Variants in FHAD1 observed in about 807,000 individuals in gnomAD.
FHAD1 encodes the protein forkhead associated phosphopeptide binding domain 1.
A neutral mutation model predicts 191.3 loss-of-function variants in FHAD1; 146 were observed. That is an observed-to-expected ratio of 0.76 (90% CI 0.67 to 0.88). The LOEUF is 0.88. Among genes scored for constraint, FHAD1 ranks in the 40% least tolerant of loss-of-function variants. The pLI, the probability that FHAD1 is intolerant of heterozygous loss-of-function variation, is 0.00. For synonymous variants in FHAD1, 616 were observed against 672.3 expected (o/e 0.92, Z 1.29); for missense variants, 1,635 against 1,785.8 (o/e 0.92, Z 1.52).
intron 33 of FHAD1, among the ~76,000 whole-genome samples, chr1:15,392,041 G>A (rs1381057388): frequency 6.6e-6 from 1 of 152,208 alleles, no homozygotes; most frequent in African/African-American, 2.4e-5. Flanking sequence ...CCTGGATGTA[G>A]GGATATTGTG....
At chr1:15,272,177 C>T in intron 2 of FHAD1, 146 bp from the exon 3 acceptor site, 2 of 748,542 alleles carry the variant, frequency 2.7e-6, no homozygotes, top group East Asian at 2.7e-5. Context: ...CGCTTAACCT[C>T]TCTGATCCTC....
chr1:15,368,083 T>C (rs1697037030), intron 25 of FHAD1, among the ~76,000 whole-genome samples: 1 of 152,194 alleles, frequency 6.6e-6, no homozygotes, highest in South Asian at 2.1e-4. Flanking sequence ...GCCATTCTCT[T>C]GCCTCAGCCT....
chr1:15,292,363 T>TCA (rs2100653201), intron 4 of FHAD1, among the ~76,000 whole-genome samples: 1 of 152,278 alleles, frequency 6.6e-6, no homozygotes, highest in South Asian at 2.1e-4. Context: ...AGACGGAGTC[T>TCA]CGCTCTGTCG....
At position 15,381,211 on chromosome 1, in the gene FHAD1, C is replaced by G. The variant is rs768912171; in HGVS notation, c.3802-20C>G. The G allele has an allele frequency of 2.6e-6, 4 of 1,530,620 alleles. No individual in the cohort carries two copies. Among genetic ancestry groups the G allele is most frequent in the Non-Finnish European group, 1.8e-6 (2 of 1,128,472 alleles). The allele number at this position is 1,530,620 out of a possible 1,614,324, so 94.8% of individuals were successfully genotyped here. ...GCGGCCGCGGGTAATGCCTCTTATG[C>G]GCGAACGTTTTCCTTGTAGTACCTG... is the stretch of plus-strand genomic sequence containing the variant. On this transcript the variant is annotated intron_variant, in intron 29 of 33. Coordinates refer to ENST00000688493, the MANE Select transcript of FHAD1 (RefSeq NM_001391957.1). The surrounding 1 kb of genome is among the most constrained non-coding windows in gnomAD (Gnocchi z 4.6).
chr1:15,296,647 G>T, intron 4 of FHAD1, 37 bp from the exon 5 acceptor site: 2 of 1,512,334 alleles, frequency 1.3e-6, no homozygotes, highest in Non-Finnish European at 1.8e-6. Context: ...GGAAACTCAT[G>T]ATGTCTTTTG....
chr1:15,348,141 C>T (rs1689589467), intron 18 of FHAD1, among the ~76,000 whole-genome samples: 1 of 152,232 alleles, frequency 6.6e-6, no homozygotes, highest in Admixed American at 6.5e-5. Flanking sequence ...TTTTCTTCTG[C>T]TTTAAGGCTG....
chr1:15,291,079 C>T (rs1437261944), intron 4 of FHAD1, among the ~76,000 whole-genome samples: 1 of 151,240 alleles, frequency 6.6e-6, no homozygotes. Context: ...CCCTCCCCAC[C>T]TAAATCTACC....
intron 10 of FHAD1, among the ~76,000 whole-genome samples, chr1:15,323,388 TG>T (rs778634775): frequency 5.3e-5 from 8 of 152,108 alleles, no homozygotes; most frequent in Non-Finnish European, 7.3e-5. Flanking sequence ...AAACAGAAGC[TG>T]GGGTATGTTT....
Position 15,331,486 on chromosome 1 carries a change from T to TGATG in FHAD1, c.1906+1986_1906+1989dup, listed in dbSNP as rs140320304. On this transcript the variant is annotated intron_variant, in intron 14 of 33. Transcript: ENST00000688493. ...AGGGTGAGTGGGTGGGTGGGTGGAT[T>TGATG]GATGGATGGATGGATGGATGGATGG... Among the ~76,000 whole-genome samples the TGATG allele has an allele frequency of 5.1e-3, 421 of 83,168 alleles. 2 individuals carry two copies. The highest frequency in any genetic ancestry group is 0.014 in the African/African-American group (273 of 19,902). The allele number at this position is 83,168 out of a possible 152,430, so 54.6% of individuals were successfully genotyped here.
intron 14 of FHAD1, among the ~76,000 whole-genome samples, chr1:15,334,960 GC>G (rs1241162331): frequency 6.6e-6 from 1 of 152,256 alleles, no homozygotes; most frequent in Non-Finnish European, 1.5e-5. Context: ...CTCAGTCCAC[GC>G]CCCTCCAACC....
At chr1:15,371,258 C>T (rs1698004990) in intron 26 of FHAD1, among the ~76,000 whole-genome samples, 1 of 152,198 alleles carries the variant, frequency 6.6e-6, no homozygotes, top group South Asian at 2.1e-4. Flanking sequence ...CCCGCCCACA[C>T]CAAACGCCCT....
chr1:15,381,968 C>T lies in FHAD1; in HGVS notation c.4023-60C>T. On this transcript the variant is annotated intron_variant, in intron 30 of 33. Coordinates refer to ENST00000688493, the MANE Select transcript of FHAD1 (RefSeq NM_001391957.1). This position sits in a 1 kb window ranked among gnomAD's most constrained non-coding sequence, Gnocchi z 4.6. ...TTTTGAGAGACTTCCGGGTCTGGCA[C>T]ATTGATGATGATTGGGAAAGATAAG... The T allele has an allele frequency of 6.5e-7, 1 of 1,528,668 alleles. No individual in the cohort carries two copies. The allele number at this position is 1,528,668 out of a possible 1,614,324, so 94.7% of individuals were successfully genotyped here.
chr1:15,327,854 TAAAACCCCATCTCTATTAA>T lies in FHAD1; in HGVS notation c.1558-419_1558-401del, dbSNP rs1231903305. ...TTCGAAACCAGCCTGACCAACATGG[TAAAACCCCATCTCTATTAA>T]AAATACAAAATTAGCCGGGCATGGT... On this transcript the variant is annotated intron_variant, in intron 12 of 33. Coordinates refer to ENST00000688493, the MANE Select transcript of FHAD1 (RefSeq NM_001391957.1). This position sits in a 1 kb window ranked among gnomAD's most constrained non-coding sequence, Gnocchi z 5.1. The T allele has an allele frequency of 1.3e-5, 2 of 152,036 alleles. No individual in the cohort carries two copies. The highest frequency in any genetic ancestry group is 6.6e-5 in the Admixed American group (1 of 15,246). The allele number at this position is 152,036 out of a possible 1,614,324, so 9.4% of individuals were successfully genotyped here.
chr1:15,321,699 A>C (rs1676319858), intron 10 of FHAD1, among the ~76,000 whole-genome samples: 1 of 152,222 alleles, frequency 6.6e-6, no homozygotes, highest in Non-Finnish European at 1.5e-5. Flanking sequence ...GTTTTCCTTC[A>C]GCATGGCTCT....
chr1:15,378,904 C>G (rs541513149), intron 28 of FHAD1, among the ~76,000 whole-genome samples: 26 of 152,116 alleles, frequency 1.7e-4, no homozygotes, highest in Non-Finnish European at 2.9e-4. Context: ...CCTCCAGACT[C>G]CCCGCTTGGC....
Position 15,381,505 on chromosome 1 carries a change from G to A in FHAD1, c.4022+54G>A. 2 of 1,383,270 alleles carry A rather than the reference G, an allele frequency of 1.4e-6. No individual in the cohort carries two copies. The highest frequency in any genetic ancestry group is 2.5e-5 in the East Asian group (1 of 40,058). 85.7% of individuals were successfully genotyped at this position (1,383,270 alleles called of 1,614,324 possible). On this transcript the variant is annotated intron_variant, in intron 30 of 33. Coordinates refer to ENST00000688493, the MANE Select transcript of FHAD1 (RefSeq NM_001391957.1). The surrounding 1 kb of genome is among the most constrained non-coding windows in gnomAD (Gnocchi z 4.6). Reference sequence around the variant, plus strand: ...AAAGGCCCGGGCCTCCCTTCTCCTGGCTAAACTCAGGCTAGCAGCAGACCT... The same window carrying A: ...AAAGGCCCGGGCCTCCCTTCTCCTGACTAAACTCAGGCTAGCAGCAGACCT...
chr1:15,308,787 C>A, intron 7 of FHAD1, 51 bp downstream of exon 7: 1 of 1,549,384 alleles, frequency 6.5e-7, no homozygotes, highest in South Asian at 1.2e-5. Context: ...ACCCGTTGTT[C>A]TTGGCCACAG....
At chr1:15,357,737 G>C (rs1693349935) in intron 20 of FHAD1, 1 of 164,336 alleles carries the variant, frequency 6.1e-6, no homozygotes, top group African/African-American at 2.4e-5. Context: ...GAAGGCAGGT[G>C]TTGCAGTGAA....
intron 3 of FHAD1, among the ~76,000 whole-genome samples, chr1:15,280,918 C>T (rs1002656863): frequency 1.6e-4 from 25 of 152,210 alleles, no homozygotes; most frequent in Non-Finnish European, 2.2e-4. Context: ...CCTAACCCAC[C>T]TGGCCAAAAT....
Sources: gnomAD v4.1 joint callset for allele counts (sites outside exome capture counted in the v4.1 genomes callset) on GRCh38, gnomAD v4.1.1 for gene constraint, Gnocchi (gnomAD v3.1) non-coding constraint, MANE v1.5 for transcripts, NCBI Gene and HGNC (gene_info 2026-07-23, HGNC 2026-07-21) for gene names.